IL13RA1: variants seen among roughly 807,000 people sequenced by gnomAD.
IL13RA1 encodes the protein interleukin 13 receptor subunit alpha 1, also known as interleukin-13 receptor subunit alpha-1.
A neutral mutation model predicts 33.8 loss-of-function variants in IL13RA1; 14 were observed. That is an observed-to-expected ratio of 0.41 (90% CI 0.27 to 0.65). The LOEUF (loss-of-function observed/expected upper bound fraction) is 0.65. Among genes scored for constraint, IL13RA1 ranks in the 30% least tolerant of loss-of-function variants. The probability of loss-of-function intolerance (pLI) is 0.28; values close to 1 mark genes in which losing one functional copy is unlikely to be tolerated. For synonymous variants in IL13RA1, 116 were observed against 115.7 expected, an observed-to-expected ratio of 1.00 and a Z score of -0.02; for missense variants, 313 against 327.0, an observed-to-expected ratio of 0.96 and a Z score of 0.33.
Position 118,758,240 on chromosome X carries a change from G to T in IL13RA1, c.674G>T (p.Arg225Leu). 1.0e-6 allele frequency: 1 copy of T among 995,787 alleles called. No homozygotes were observed. Among genetic ancestry groups the T allele is most frequent in the Non-Finnish European group, 1.4e-6 (1 of 715,425 alleles). 82.1% of individuals were successfully genotyped at this position (995,787 alleles called of 1,213,427 possible). The part of the protein sequence containing the change: ...PSFNIVPLTS[R>L]VKPDPPHIKN... ...TTCAATATAGTGCCTTTAACTTCCC[G>T]TGGTAAGTTTTAGAAGTCCTCTAAA... Residue 225 changes from arginine to leucine, a missense_variant and splice_region_variant, in exon 5 of 11, where the codon CGT (arginine) becomes CTT (leucine). By Grantham distance (102) the Arg-to-Leu change is moderately radical (BLOSUM62 -2). Coordinates refer to ENST00000371666, the MANE Select transcript of IL13RA1 (RefSeq NM_001560.3).
intron 10 of IL13RA1, 22 bp from the exon 11 acceptor site, chrX:118,791,740 G>T (rs2017976723): frequency 1.5e-6 from 1 of 676,373 alleles, no homozygotes; most frequent in Non-Finnish European, 2.4e-6. Context: ...CATTGTGTAT[G>T]TGTTTTTTTC....
the IL13RA1 span, among the ~76,000 whole-genome samples, chrX:118,801,213 C>T: frequency 8.9e-6 from 1 of 112,434 alleles, no homozygotes; most frequent in Non-Finnish European, 1.9e-5. Context: ...AGCATTATTC[C>T]GATGTGTTGT....
At position 118,791,782 on chromosome X, in the gene IL13RA1, C is replaced by T; in HGVS notation, c.1212C>T (p.Ile404=). The change falls in exon 11 of 11, where the codon ATC becomes ATT. Residue 404 remains isoleucine (I), a synonymous_variant. Coordinates refer to ENST00000371666, the MANE Select transcript of IL13RA1 (RefSeq NM_001560.3). Reference sequence around the variant, plus strand: ...TCTAGCACTGGAAGAAGTACGACATCTATGAGAAGCAAACCAAGGAGGAAA... The same window carrying T: ...TCTAGCACTGGAAGAAGTACGACATTTATGAGAAGCAAACCAAGGAGGAAA... ...DDTLHWKKYD[I]YEKQTKEETD... is the part of the protein sequence containing the mutation. 1 of 1,028,444 alleles carries T rather than the reference C, an allele frequency of 9.7e-7. No homozygotes were observed. Among genetic ancestry groups the T allele is most frequent in the South Asian group, 1.9e-5 (1 of 52,227 alleles). The allele number at this position is 1,028,444 out of a possible 1,213,427, so 84.8% of individuals were successfully genotyped here.
chrX:118,745,351 A>G (rs55903230), intron 2 of IL13RA1, among the ~76,000 whole-genome samples: 1,476 of 111,819 alleles, frequency 0.013, 22 homozygotes, highest in African/African-American at 0.043. Context: ...GGACAGAAAA[A>G]TTCAATGCCC....
intron 8 of IL13RA1, among the ~76,000 whole-genome samples, chrX:118,772,850 T>G (rs2017739506): frequency 8.9e-6 from 1 of 112,371 alleles, no homozygotes; most frequent in African/African-American, 3.2e-5. Flanking sequence ...TACTGAACAA[T>G]GGACAATGTG....
the IL13RA1 span, among the ~76,000 whole-genome samples, chrX:118,800,767 G>A: frequency 9.0e-6 from 1 of 110,961 alleles, no homozygotes; most frequent in South Asian, 3.9e-4. Context: ...ACCATGCCCA[G>A]CTAAGTTTCA....
At chrX:118,730,155 G>A (rs1406696925) in intron 1 of IL13RA1, among the ~76,000 whole-genome samples, 1 of 111,685 alleles carries the variant, frequency 9.0e-6, no homozygotes, top group African/African-American at 3.3e-5. Flanking sequence ...AAAATTAGCC[G>A]AGTGTGGGAT....
At position 118,775,525 on chromosome X, in the gene IL13RA1, G is replaced by A. The variant is rs1283756878; in HGVS notation, c.1107-902G>A. On this transcript the variant is annotated intron_variant, in intron 9 of 10. Transcript: ENST00000371666. ...TCGGAGGCATTGCAGTGTTTTGGCA[G>A]AAAGATGAGGATAACCTATACTAGG... Among the ~76,000 whole-genome samples, 8 of 111,833 alleles carry A rather than the reference G, an allele frequency of 7.2e-5. No individual in the cohort carries two copies. In the Admixed American group the frequency reaches 7.6e-4, roughly 11 times the overall value.
At position 118,727,629 on chromosome X, in the gene IL13RA1, G is replaced by T. The variant is rs1208583302; in HGVS notation, c.-10G>T. The T allele has an allele frequency of 2.2e-6, 2 of 918,589 alleles. No homozygotes were observed. The highest frequency in any genetic ancestry group is 5.6e-5 in the Admixed American group (1 of 17,905). The allele number at this position is 918,589 out of a possible 1,213,427, so 75.7% of individuals were successfully genotyped here. On this transcript the variant is annotated 5_prime_UTR_variant, in exon 1 of 11. Coordinates refer to ENST00000371666, the MANE Select transcript of IL13RA1 (RefSeq NM_001560.3). ...CTCCAGCCCGGCCGGGCTCCGAGGCGAGAGGCTGCATGGAGTGGCCGGCGC... is the reference window on the plus strand; with the variant it reads ...CTCCAGCCCGGCCGGGCTCCGAGGCTAGAGGCTGCATGGAGTGGCCGGCGC...
At chrX:118,795,117 G>C (rs1220350172), downstream of IL13RA1, among the ~76,000 whole-genome samples, 1 of 106,392 alleles carries the variant, frequency 9.4e-6, no homozygotes, top group Non-Finnish European at 1.9e-5. Context: ...CAGCTACTCA[G>C]GAGGCTGAGG....
chrX:118,773,364 G>T (rs746947184), intron 8 of IL13RA1, among the ~76,000 whole-genome samples: 1 of 111,465 alleles, frequency 9.0e-6, no homozygotes, highest in Non-Finnish European at 1.9e-5. Flanking sequence ...GGTGGTGTGC[G>T]CCTGTAGTCC....
At chrX:118,743,466 A>T (rs2017368330) in intron 2 of IL13RA1, among the ~76,000 whole-genome samples, 1 of 111,270 alleles carries the variant, frequency 9.0e-6, no homozygotes, top group African/African-American at 3.3e-5. Context: ...GCCCTCCACC[A>T]TTTTTTAGGC....
intron 6 of IL13RA1, among the ~76,000 whole-genome samples, chrX:118,763,765 T>G (rs1393899903): frequency 8.9e-6 from 1 of 111,954 alleles, no homozygotes; most frequent in Non-Finnish European, 1.9e-5. Context: ...CCAAGAATAC[T>G]TAGCATAATG....
intron 6 of IL13RA1, among the ~76,000 whole-genome samples, chrX:118,765,716 GATA>G (rs2096098992): frequency 8.9e-6 from 1 of 112,264 alleles, no homozygotes; most frequent in African/African-American, 3.2e-5. Flanking sequence ...GTCTCTAGTA[GATA>G]ATAACAGTTT....
At chrX:118,780,182 G>T (rs901365399) in intron 10 of IL13RA1, among the ~76,000 whole-genome samples, 5 of 112,132 alleles carry the variant, frequency 4.5e-5, no homozygotes, top group African/African-American at 1.6e-4. Context: ...AAAAAAATCT[G>T]CTTTCTTCAC....
intron 8 of IL13RA1, among the ~76,000 whole-genome samples, chrX:118,771,904 C>T (rs1034690364): frequency 1.8e-5 from 2 of 111,020 alleles, no homozygotes; most frequent in Admixed American, 1.9e-4. Flanking sequence ...ACCCGGGAGG[C>T]GGAGGTTGCA....
chrX:118,728,608 T>A (rs1301355794), intron 1 of IL13RA1, among the ~76,000 whole-genome samples: 1 of 111,936 alleles, frequency 8.9e-6, no homozygotes, highest in East Asian at 2.8e-4. Flanking sequence ...ACTGTATAGG[T>A]TTTATTATCA....
chrX:118,750,138 C>G (rs767632223), intron 4 of IL13RA1, among the ~76,000 whole-genome samples: 1 of 110,877 alleles, frequency 9.0e-6, no homozygotes, highest in Admixed American at 9.7e-5. Flanking sequence ...TACATGCACT[C>G]GTGTGTGTGT....
intron 3 of IL13RA1, among the ~76,000 whole-genome samples, chrX:118,749,041 G>A (rs2017441610): frequency 9.0e-6 from 1 of 111,281 alleles, no homozygotes; most frequent in East Asian, 2.8e-4. Context: ...TCAGCCTCCC[G>A]AGTAGCTGGG....
Sources: allele counts gnomAD v4.1 joint callset (sites outside exome capture counted in the v4.1 genomes callset), GRCh38; gene constraint gnomAD v4.1.1; transcripts MANE v1.5; gene names NCBI Gene and HGNC (gene_info 2026-07-23, HGNC 2026-07-21).